The following RBFOX1 variants were observed in gnomAD, a reference collection of about 807,000 sequenced individuals.
The protein encoded by RBFOX1 is RNA binding protein fox-1 homolog 1.
A neutral mutation model predicts 57.7 loss-of-function variants in RBFOX1; 8 were observed. The ratio of observed to expected loss-of-function variants is 0.14; its 90% CI spans 0.08 to 0.25. The LOEUF (loss-of-function observed/expected upper bound fraction) is 0.25. Among genes scored for constraint, RBFOX1 ranks in the 10% least tolerant of loss-of-function variants. The pLI is 1.00. For synonymous variants in RBFOX1, 326 were observed against 222.4 expected (o/e 1.47, Z -4.15); for missense variants, 611 against 548.5 (o/e 1.11, Z -1.14).
At chr16:7,154,010 C>G (rs1601221637) in intron 4 of RBFOX1, among the ~76,000 whole-genome samples, 2 of 152,204 alleles carry the variant, frequency 1.3e-5, no homozygotes, top group Admixed American at 1.3e-4. Flanking sequence ...CTCAATTTAT[C>G]CATCATCATT....
chr16:5,618,430 C>G (rs1161310376), intron 3 of RBFOX1, among the ~76,000 whole-genome samples: 1 of 152,068 alleles, frequency 6.6e-6, no homozygotes, highest in African/African-American at 2.4e-5. Flanking sequence ...CTCCACCCAC[C>G]AGGTTCACGC....
chr16:5,704,476 C>T (rs982471950), intron 3 of RBFOX1, among the ~76,000 whole-genome samples: 3 of 152,102 alleles, frequency 2.0e-5, no homozygotes, highest in African/African-American at 7.2e-5. Flanking sequence ...TTGAGCAGTG[C>T]TGGGAGCCAA....
intron 4 of RBFOX1, among the ~76,000 whole-genome samples, chr16:7,496,617 C>A (rs987756170): frequency 6.6e-6 from 1 of 151,912 alleles, no homozygotes; most frequent in African/African-American, 2.4e-5. Context: ...TACTTGTCCA[C>A]ATTCAGTGGT....
intron 3 of RBFOX1, among the ~76,000 whole-genome samples, chr16:5,693,643 G>T (rs191507178): frequency 2.0e-5 from 3 of 152,092 alleles, no homozygotes; most frequent in African/African-American, 7.2e-5. Context: ...TGTGAAAGAC[G>T]CAGCGAGAAT....
rs558299912 is a variant in RBFOX1 at position 7,678,444 on chromosome 16, G to A, written c.995+1606G>A. Among the ~76,000 whole-genome samples the A allele has an allele frequency of 2.2e-4, 34 of 152,166 alleles. 1 individual carries two copies. In the South Asian group the frequency reaches 5.6e-3, roughly 25 times the overall value. On this transcript the variant is annotated intron_variant, in intron 14 of 15. Coordinates refer to ENST00000550418, the MANE Select transcript of RBFOX1 (RefSeq NM_018723.4). ...CTTCACAAAGTATCAATTGTAATGTGGTTCAGCTGCAACCCTTAATTATTT... is the reference window on the plus strand; with the variant it reads ...CTTCACAAAGTATCAATTGTAATGTAGTTCAGCTGCAACCCTTAATTATTT...
At chr16:5,925,578 T>C (rs1225170503) in intron 4 of RBFOX1, among the ~76,000 whole-genome samples, 2 of 152,230 alleles carry the variant, frequency 1.3e-5, no homozygotes, top group Non-Finnish European at 2.9e-5. Flanking sequence ...GATGGTTGCA[T>C]AACATTGTGA....
chr16:5,871,946 A>C lies in RBFOX1; in HGVS notation c.351+4611A>C, dbSNP rs144428465. On this transcript the variant is annotated intron_variant, in intron 4 of 19. Coordinates refer to the RBFOX1 transcript ENST00000641259. ...TGCAATGGGAAACTACGCAGGTAGCAAACTCAGTGGCCTTGGGAGAATGTA... is the reference window on the plus strand; with the variant it reads ...TGCAATGGGAAACTACGCAGGTAGCCAACTCAGTGGCCTTGGGAGAATGTA... 1.5e-4 allele frequency among the ~76,000 whole-genome samples: 23 copies of C among 152,290 alleles called. No individual in the cohort carries two copies. The East Asian group carries it at 3.7e-3, about 24-fold the overall frequency.
At chr16:5,655,418 A>C (rs867360931) in intron 3 of RBFOX1, among the ~76,000 whole-genome samples, 3 of 152,194 alleles carry the variant, frequency 2.0e-5, no homozygotes, top group African/African-American at 4.8e-5. Context: ...GTGGAGGTCA[A>C]TTGAGGCTTT....
chr16:5,385,755 A>G (rs1203518109), intron 1 of RBFOX1, among the ~76,000 whole-genome samples: 1 of 152,100 alleles, frequency 6.6e-6, no homozygotes, highest in Non-Finnish European at 1.5e-5. Context: ...ATTTGTTATG[A>G]CCACCCTTCA....
chr16:7,457,535 T>G (rs776295211), intron 4 of RBFOX1, among the ~76,000 whole-genome samples: 4 of 152,214 alleles, frequency 2.6e-5, no homozygotes, highest in Non-Finnish European at 5.9e-5. Flanking sequence ...GGTTTCTTCA[T>G]GCAGTGACTT....
chr16:5,628,335 T>C (rs905407734), intron 3 of RBFOX1, among the ~76,000 whole-genome samples: 15 of 152,214 alleles, frequency 9.9e-5, no homozygotes, highest in Non-Finnish European at 2.1e-4. Flanking sequence ...TCTTTTTCTT[T>C]TCTTTTTTAT....
chr16:5,922,724 C>T (rs1455146705), intron 4 of RBFOX1, among the ~76,000 whole-genome samples: 2 of 152,182 alleles, frequency 1.3e-5, no homozygotes, highest in African/African-American at 4.8e-5. Context: ...TAAACTCTTC[C>T]AACCCCTCAA....
intron 2 of RBFOX1, among the ~76,000 whole-genome samples, chr16:6,464,094 G>A (rs1001681207): frequency 6.6e-5 from 10 of 152,200 alleles, no homozygotes; most frequent in African/African-American, 2.2e-4. Context: ...TGGGATGAAG[G>A]CAACTTTTTC....
At chr16:7,655,775 T>C (rs1274019346) in intron 12 of RBFOX1, among the ~76,000 whole-genome samples, 1 of 152,224 alleles carries the variant, frequency 6.6e-6, no homozygotes, top group Admixed American at 6.5e-5. Context: ...ACCATCAGTA[T>C]CTCACTACTA....
intron 4 of RBFOX1, among the ~76,000 whole-genome samples, chr16:7,412,563 A>G (rs2098439819): frequency 6.6e-6 from 1 of 152,204 alleles, no homozygotes; most frequent in South Asian, 2.1e-4. Flanking sequence ...CCCACACAAA[A>G]AATATGGACT....
Position 6,268,726 on chromosome 16 carries a change from C to T in RBFOX1, c.-126-48269C>T, listed in dbSNP as rs540678424. Among the ~76,000 whole-genome samples the T allele has an allele frequency of 7.2e-5, 11 of 152,114 alleles. No individual in the cohort carries two copies. The South Asian group carries it at 8.3e-4, about 11-fold the overall frequency. On this transcript the variant is annotated intron_variant, in intron 1 of 15. Coordinates refer to ENST00000550418, the MANE Select transcript of RBFOX1 (RefSeq NM_018723.4). ...TGTTCTTAGGGATCTTACAGTTCAT[C>T]GAAGAAACACACAACACACAAACAT...
intron 4 of RBFOX1, among the ~76,000 whole-genome samples, chr16:7,467,095 C>T (rs1221663999): frequency 1.3e-5 from 2 of 151,990 alleles, no homozygotes; most frequent in Non-Finnish European, 2.9e-5. Context: ...TTTTAAATTG[C>T]GATATGAAGG....
chr16:6,275,088 A>G (rs920375068), intron 1 of RBFOX1, among the ~76,000 whole-genome samples: 1 of 152,202 alleles, frequency 6.6e-6, no homozygotes, highest in Non-Finnish European at 1.5e-5. Context: ...CTGCAAGACA[A>G]TGTAAGTGTG....
At chr16:6,440,246 A>T (rs577524994) in intron 2 of RBFOX1, among the ~76,000 whole-genome samples, 9 of 152,104 alleles carry the variant, frequency 5.9e-5, no homozygotes, top group African/African-American at 1.4e-4. Context: ...CTAAATATAC[A>T]TGTATTGATG....
Sources: gnomAD v4.1 joint callset for allele counts (sites outside exome capture counted in the v4.1 genomes callset) on GRCh38, gnomAD v4.1.1 for gene constraint, MANE v1.5 for transcripts, NCBI Gene and HGNC (gene_info 2026-07-23, HGNC 2026-07-21) for gene names.